FRK: variants seen among roughly 807,000 people sequenced by gnomAD.
FRK encodes fyn related Src family tyrosine kinase.
Under a neutral mutation model 56.4 loss-of-function variants are expected in FRK, and 51 were observed. The ratio of observed to expected loss-of-function variants is 0.90; its 90% CI spans 0.72 to 1.14. The LOEUF (loss-of-function observed/expected upper bound fraction) is 1.14. Among genes scored for constraint, FRK ranks in the 50% most tolerant of loss-of-function variants. The pLI, the probability that FRK is intolerant of heterozygous loss-of-function variation, is 0.00. For synonymous variants in FRK, 245 were observed against 217.9 expected (o/e 1.12, Z -1.10); for missense variants, 570 against 601.4 (o/e 0.95, Z 0.55).
chr6:116,059,983 C>G lies in FRK; in HGVS notation c.329G>C (p.Ser110Thr), dbSNP rs957751895. The change falls in exon 1 of 8, where the codon AGC becomes ACC. Residue 110 changes from serine (S) to threonine (T), a missense_variant. Physicochemically the swap from Ser to Thr is moderately conservative, Grantham distance 58. Coordinates refer to ENST00000606080, the MANE Select transcript of FRK (RefSeq NM_002031.3). ...IPSNYVAEDR[S>T]LQAEPWFFGA... ...TACTACTCACGGCTCTGCCTGTAGG[C>G]TTCTGTCCTCAGCCACGTAGTTAGA... 4.3e-6 allele frequency: 7 copies of G among 1,613,988 alleles called. No homozygotes were observed. The highest frequency in any genetic ancestry group is 5.1e-6 in the Non-Finnish European group (6 of 1,179,866).
At chr6:116,078,555 G>A in the FRK span, among the ~76,000 whole-genome samples, 12 of 152,182 alleles carry the variant, frequency 7.9e-5, no homozygotes, top group Admixed American at 1.3e-4. Flanking sequence ...CACCCCATGT[G>A]AAATAAATAC....
At chr6:115,944,125 T>A in intron 6 of FRK, 119 bp downstream of exon 6, 1 of 760,160 alleles carries the variant, frequency 1.3e-6, no homozygotes, top group South Asian at 2.2e-5. Context: ...CTGAAGTAGT[T>A]TATGGACTAC....
the FRK span, among the ~76,000 whole-genome samples, chr6:116,088,025 G>A: frequency 2.0e-5 from 3 of 152,298 alleles, no homozygotes; most frequent in East Asian, 1.9e-4. Flanking sequence ...GAGCCAGCGG[G>A]TAAACACTCA....
chr6:115,962,459 AC>A (rs1773415422), intron 4 of FRK, among the ~76,000 whole-genome samples: 1 of 119,834 alleles, frequency 8.3e-6, no homozygotes, highest in Middle Eastern at 3.9e-3. Flanking sequence ...AGACTTTAAC[AC>A]CCCACTGTCA....
chr6:116,099,274 A>T, the FRK span, among the ~76,000 whole-genome samples: 1 of 152,212 alleles, frequency 6.6e-6, no homozygotes, highest in Non-Finnish European at 1.5e-5. Flanking sequence ...TCCCTCTTAC[A>T]ATGAATGTAC....
intron 2 of FRK, among the ~76,000 whole-genome samples, chr6:115,988,552 A>C (rs921289842): frequency 9.9e-5 from 15 of 152,022 alleles, no homozygotes; most frequent in African/African-American, 3.6e-4. Context: ...CAAAGTTAAC[A>C]AAAACCTTCT....
chr6:116,043,969 A>G (rs1776837570), intron 1 of FRK, among the ~76,000 whole-genome samples: 1 of 152,216 alleles, frequency 6.6e-6, no homozygotes, highest in Non-Finnish European at 1.5e-5. Context: ...CTACACAAAT[A>G]AACTAGAAAA....
chr6:116,062,848 A>G (rs928334141), upstream of FRK, among the ~76,000 whole-genome samples: 1 of 152,182 alleles, frequency 6.6e-6, no homozygotes. Flanking sequence ...GAGCTAATCA[A>G]TCACTGAATT....
At chr6:116,039,186 G>C in intron 1 of FRK, 3 of 1,313,732 alleles carry the variant, frequency 2.3e-6, no homozygotes, top group South Asian at 1.2e-5. Flanking sequence ...TTGTTTTCGA[G>C]AAGAAAGAGG....
intron 1 of FRK, among the ~76,000 whole-genome samples, chr6:116,020,440 C>T (rs944406812): frequency 2.0e-5 from 3 of 151,956 alleles, no homozygotes; most frequent in South Asian, 2.1e-4. Flanking sequence ...TACAGGCACA[C>T]GCCACCACAT....
intron 5 of FRK, among the ~76,000 whole-genome samples, chr6:115,944,833 G>A (rs1261926536): frequency 6.6e-6 from 1 of 151,922 alleles, no homozygotes; most frequent in Non-Finnish European, 1.5e-5. Context: ...TAGGTATTAA[G>A]CCTAGTACCC....
At chr6:115,968,305 A>G (rs548633947) in intron 3 of FRK, among the ~76,000 whole-genome samples, 3 of 152,208 alleles carry the variant, frequency 2.0e-5, no homozygotes, top group African/African-American at 4.8e-5. Flanking sequence ...CACCTGCCCT[A>G]TGGTCTCCGT....
chr6:116,046,861 T>C (rs946748381), intron 1 of FRK, among the ~76,000 whole-genome samples: 27 of 152,018 alleles, frequency 1.8e-4, no homozygotes, highest in African/African-American at 4.8e-4. Context: ...ACTACTAGTA[T>C]ACCAGACGGA....
chr6:115,938,842 C>T lies in FRK; in HGVS notation c.*3572G>A, dbSNP rs952244073. 6.6e-6 allele frequency: 1 copy of T among 151,966 alleles called. No homozygotes were observed. Among genetic ancestry groups the T allele is most frequent in the African/African-American group, 2.4e-5 (1 of 41,362 alleles). 9.4% of individuals were successfully genotyped at this position (151,966 alleles called of 1,614,324 possible). On this transcript the variant is annotated 3_prime_UTR_variant, in exon 8 of 8. Transcript: ENST00000606080. ...GAGGCAGTAATTAATAGCCTACCAACCAAAAAAAGTCCAGGACCAGATAGA... is the reference window on the plus strand; with the variant it reads ...GAGGCAGTAATTAATAGCCTACCAATCAAAAAAAGTCCAGGACCAGATAGA...
At chr6:115,971,214 G>C (rs1279925368) in intron 2 of FRK, among the ~76,000 whole-genome samples, 2 of 152,240 alleles carry the variant, frequency 1.3e-5, no homozygotes, top group African/African-American at 4.8e-5. Flanking sequence ...TTTCAGTATG[G>C]AAGGTTATTA....
intron 1 of FRK, among the ~76,000 whole-genome samples, chr6:116,027,134 A>G (rs2114751812): frequency 6.6e-6 from 1 of 152,286 alleles, no homozygotes; most frequent in Admixed American, 6.5e-5. Flanking sequence ...TTACTTCACA[A>G]AGTGATTTTG....
intron 1 of FRK, among the ~76,000 whole-genome samples, chr6:116,041,171 C>A (rs1229080449): frequency 6.6e-6 from 1 of 152,208 alleles, no homozygotes; most frequent in Non-Finnish European, 1.5e-5. Flanking sequence ...CAAAGTGATT[C>A]ATCATCAAAA....
intron 2 of FRK, among the ~76,000 whole-genome samples, chr6:115,988,668 G>C (rs905539176): frequency 6.6e-6 from 1 of 151,948 alleles, no homozygotes. Context: ...TAAGAGTATG[G>C]AGGGAAGAGT....
intron 2 of FRK, among the ~76,000 whole-genome samples, chr6:115,989,358 G>A (rs763789043): frequency 6.6e-6 from 1 of 151,742 alleles, no homozygotes; most frequent in Non-Finnish European, 1.5e-5. Context: ...TTGCATAATG[G>A]TGAAGTTTGG....
Sources: allele counts gnomAD v4.1 joint callset (sites outside exome capture counted in the v4.1 genomes callset), GRCh38; gene constraint gnomAD v4.1.1; transcripts MANE v1.5; gene names NCBI Gene and HGNC (gene_info 2026-07-23, HGNC 2026-07-21).